Variants in COA1 observed in about 807,000 individuals in gnomAD.
The protein encoded by COA1 is cytochrome c oxidase assembly factor 1 homolog.
In COA1, 13 loss-of-function variants were observed where a neutral mutation model predicts 16.0. The ratio of observed to expected loss-of-function variants is 0.81; its 90% CI spans 0.53 to 1.29. The LOEUF (loss-of-function observed/expected upper bound fraction) is 1.29, where lower values mean the gene tolerates loss of function less well. COA1 is among the 50% of genes most tolerant of loss of function. The pLI is 0.00. For missense variants in COA1, 179 were observed against 177.0 expected (o/e 1.01, Z -0.06); for synonymous variants, 65 against 65.7 (o/e 0.99, Z 0.05).
intron 1 of COA1, among the ~76,000 whole-genome samples, chr7:43,668,835 T>C (rs1584742049): frequency 6.6e-6 from 1 of 152,318 alleles, no homozygotes; most frequent in Non-Finnish European, 1.5e-5. Flanking sequence ...AAATTTTAGA[T>C]GAAAATTATC....
chr7:43,636,337 GGACCGCCCCCATCATT>G (rs1161185770), downstream of COA1, among the ~76,000 whole-genome samples: 1 of 139,404 alleles, frequency 7.2e-6, no homozygotes, highest in Non-Finnish European at 1.5e-5. Context: ...ACCTCTTTCT[GGACCGCCCCCATCATT>G]GAGCCTCCTG....
At chr7:43,702,381 C>T (rs1009096948) in intron 1 of COA1, among the ~76,000 whole-genome samples, 2 of 152,104 alleles carry the variant, frequency 1.3e-5, no homozygotes, top group African/African-American at 4.8e-5. Flanking sequence ...CTGTTGTCAA[C>T]GTTGTTGAAG....
At chr7:43,711,135 T>C (rs2095234170) in intron 1 of COA1, among the ~76,000 whole-genome samples, 1 of 152,052 alleles carries the variant, frequency 6.6e-6, no homozygotes, top group African/African-American at 2.4e-5. Context: ...TGTGGTTTGG[T>C]TCTTAACATA....
Position 43,647,599 on chromosome 7 carries a change from T to C in COA1, c.51A>G (p.Ala17=). 1 of 1,614,014 alleles carries C rather than the reference T, an allele frequency of 6.2e-7. No individual in the cohort carries two copies. The highest frequency in any genetic ancestry group is 8.5e-7 in the Non-Finnish European group (1 of 1,179,886). The change falls in exon 3 of 6, where the codon GCA becomes GCG. Residue 17 remains alanine, a synonymous_variant. Coordinates refer to ENST00000223336, the MANE Select transcript of COA1 (RefSeq NM_018224.4). ...AGAACACACCGTGGAAAAGGATCCTTGCTCCCAGAGGCATTGACCGCCTGC... is the reference window on the plus strand; with the variant it reads ...AGAACACACCGTGGAAAAGGATCCTCGCTCCCAGAGGCATTGACCGCCTGC... The part of the protein sequence containing the change: ...AGSRRSMPLG[A]RILFHGVFYA...
chr7:43,645,142 A>T, intron 4 of COA1, 109 bp downstream of exon 4: 2 of 936,470 alleles, frequency 2.1e-6, no homozygotes, highest in Non-Finnish European at 3.0e-6. Flanking sequence ...AGCTTTACTT[A>T]GTGGATTTTC....
At chr7:43,705,890 C>T (rs1191997945) in intron 1 of COA1, among the ~76,000 whole-genome samples, 1 of 152,146 alleles carries the variant, frequency 6.6e-6, no homozygotes, top group African/African-American at 2.4e-5. Flanking sequence ...AGCGACAAAC[C>T]GACAAACCGT....
intron 1 of COA1, among the ~76,000 whole-genome samples, chr7:43,685,474 G>C (rs1307472485): frequency 1.3e-5 from 2 of 152,212 alleles, no homozygotes; most frequent in East Asian, 3.8e-4. Context: ...AATTCTAGGA[G>C]CAAGTTTCCA....
chr7:43,639,897 A>T (rs1210610894), intron 5 of COA1, among the ~76,000 whole-genome samples: 1 of 152,216 alleles, frequency 6.6e-6, no homozygotes, highest in African/African-American at 2.4e-5. Context: ...CTTAACAATG[A>T]CTGACAGGCG....
intron 2 of COA1, 43 bp from the exon 3 acceptor site, chr7:43,647,677 T>C: frequency 6.6e-7 from 1 of 1,520,534 alleles, no homozygotes; most frequent in Non-Finnish European, 9.1e-7. Context: ...ATTCCCAGTT[T>C]TGTGCCAAGG....
chr7:43,609,782 C>G (rs2152974736), intron 6 of COA1: 1 of 152,462 alleles, frequency 6.6e-6, no homozygotes, highest in African/African-American at 2.4e-5. Context: ...AAGGCCGAAG[C>G]CTCTGGACCA....
chr7:43,728,556 A>C (rs569465167), intron 1 of COA1, among the ~76,000 whole-genome samples: 123 of 152,310 alleles, frequency 8.1e-4, no homozygotes, highest in Non-Finnish European at 1.4e-3. Context: ...TGTGTTTTCC[A>C]TGAAAGTAGC....
At chr7:43,684,591 C>G (rs868867878) in intron 1 of COA1, among the ~76,000 whole-genome samples, 1 of 152,032 alleles carries the variant, frequency 6.6e-6, no homozygotes, top group Admixed American at 6.6e-5. Context: ...AGTGCAAATT[C>G]AAGAGGAAAG....
intron 1 of COA1, among the ~76,000 whole-genome samples, chr7:43,684,215 C>A (rs1178785416): frequency 6.6e-6 from 1 of 152,148 alleles, no homozygotes; most frequent in Non-Finnish European, 1.5e-5. Flanking sequence ...AAGGAGCACT[C>A]AAACTACATC....
intron 1 of COA1, among the ~76,000 whole-genome samples, chr7:43,719,798 T>C (rs935079289): frequency 2.6e-5 from 4 of 152,148 alleles, no homozygotes; most frequent in Non-Finnish European, 5.9e-5. Flanking sequence ...TTTCCTTGAA[T>C]CTATTCTCCC....
chr7:43,685,154 TAAAAA>T (rs35252235), intron 1 of COA1, among the ~76,000 whole-genome samples: 1 of 127,128 alleles, frequency 7.9e-6, no homozygotes, highest in Non-Finnish European at 1.7e-5. Context: ...TCCCATCTCT[TAAAAA>T]AAAAAAAAAA....
chr7:43,659,377 C>A (rs2092191267), intron 1 of COA1, among the ~76,000 whole-genome samples: 1 of 152,140 alleles, frequency 6.6e-6, no homozygotes, highest in Non-Finnish European at 1.5e-5. Context: ...AAATAGAAAA[C>A]CATGATTTCT....
chr7:43,669,047 A>G (rs1354582838), intron 1 of COA1, among the ~76,000 whole-genome samples: 2 of 152,138 alleles, frequency 1.3e-5, no homozygotes, highest in Non-Finnish European at 2.9e-5. Flanking sequence ...CTGCAAACTA[A>G]ACCACACAGG....
At chr7:43,691,141 G>A (rs994629368) in intron 1 of COA1, among the ~76,000 whole-genome samples, 3 of 149,840 alleles carry the variant, frequency 2.0e-5, no homozygotes, top group Non-Finnish European at 4.4e-5. Context: ...AGCTACTCTG[G>A]AGGCTGCAGT....
At chr7:43,652,338 T>C (rs1320580856) in intron 1 of COA1, among the ~76,000 whole-genome samples, 1 of 152,206 alleles carries the variant, frequency 6.6e-6, no homozygotes, top group Non-Finnish European at 1.5e-5. Flanking sequence ...TGGCTTGTCC[T>C]ACATCTGGGT....
Sources: gnomAD v4.1 joint callset for allele counts (sites outside exome capture counted in the v4.1 genomes callset) on GRCh38, gnomAD v4.1.1 for gene constraint, MANE v1.5 for transcripts, NCBI Gene and HGNC (gene_info 2026-07-23, HGNC 2026-07-21) for gene names.